Variants in ATG2B observed in about 807,000 individuals in gnomAD.
ATG2B encodes autophagy related 2B.
In ATG2B, 121 loss-of-function variants were observed where a neutral mutation model predicts 241.3. That is an observed-to-expected ratio of 0.50 (90% CI 0.43 to 0.58). The LOEUF (loss-of-function observed/expected upper bound fraction) is 0.58. Among genes scored for constraint, ATG2B ranks in the 20% least tolerant of loss-of-function variants. ATG2B has a pLI of 0.00. For missense variants in ATG2B, 2,306 were observed against 2,491.6 expected (o/e 0.93, Z 1.59); for synonymous variants, 858 against 876.6 (o/e 0.98, Z 0.37).
intron 41 of ATG2B, among the ~76,000 whole-genome samples, chr14:96,286,872 A>G (rs1465456213): frequency 6.6e-6 from 1 of 152,188 alleles, no homozygotes; most frequent in African/African-American, 2.4e-5. Flanking sequence ...GAACTAACCC[A>G]GAATCTAGCC....
chr14:96,308,038 A>G (rs910677468), intron 29 of ATG2B, among the ~76,000 whole-genome samples: 8 of 148,240 alleles, frequency 5.4e-5, no homozygotes, highest in Non-Finnish European at 9.0e-5. Flanking sequence ...AGAATTACTC[A>G]TCCTTACAGG....
chr14:96,322,486 C>T (rs1887485123), intron 17 of ATG2B, 54 bp downstream of exon 17: 2 of 1,529,590 alleles, frequency 1.3e-6, no homozygotes, highest in East Asian at 2.3e-5. Flanking sequence ...AAAAGCATTG[C>T]TCTATGACAG....
At position 96,302,067 on chromosome 14, in the gene ATG2B, C is replaced by T. The variant is rs1886806888; in HGVS notation, c.5079G>A (p.Arg1693=). The change falls in exon 34 of 42, where the codon AGG becomes AGA. Residue 1693 remains arginine (R), a synonymous_variant. Coordinates refer to ENST00000359933, the MANE Select transcript of ATG2B (RefSeq NM_018036.7). ...KALHVCPESG[R]SPQECCLRVS... is the part of the protein sequence containing the mutation. ...CTCTCAAGCAGCACTCCTGTGGGGA[C>T]CTGCCAGATTCTGGACACACGTGTA... 1.5e-5 allele frequency: 25 copies of T among 1,614,066 alleles called. No individual in the cohort carries two copies. The highest frequency in any genetic ancestry group is 2.1e-5 in the Non-Finnish European group (25 of 1,179,962).
chr14:96,298,063 A>G (rs567178889), intron 34 of ATG2B, among the ~76,000 whole-genome samples: 140 of 152,204 alleles, frequency 9.2e-4, no homozygotes, highest in Middle Eastern at 3.4e-3. Flanking sequence ...CCAAAGTGGT[A>G]GGATTACAGG....
In ATG2B at chr14:96,285,678, C is replaced by T. The variant is rs547515428; in HGVS notation, c.*77G>A. The T allele has an allele frequency of 9.6e-6, 13 of 1,351,322 alleles. No homozygotes were observed. The highest frequency in any genetic ancestry group is 1.4e-5 in the African/African-American group (1 of 69,122). The allele number at this position is 1,351,322 out of a possible 1,614,324, so 83.7% of individuals were successfully genotyped here. A position where few individuals can be genotyped will look rare whatever the true frequency, so the allele number is the denominator to read the frequency against. On this transcript the variant is annotated 3_prime_UTR_variant, in exon 42 of 42. Transcript: ENST00000359933. This position sits in a 1 kb window ranked among gnomAD's most constrained non-coding sequence, Gnocchi z 4.2. ...GATGAGCACAATAAAATTAAACGAGCTTCCTCTGAAGCTGCTGTCAGGACT... is the reference window on the plus strand; with the variant it reads ...GATGAGCACAATAAAATTAAACGAGTTTCCTCTGAAGCTGCTGTCAGGACT...
rs1410474075 is a variant in ATG2B at position 96,328,358 on chromosome 14, G to A, written c.2152C>T (p.His718Tyr). ...TTTTGAATACTTACCAGACTAATAT[G>A]TTTATTATATGAAGTATACATGTGG... ...ASHMYTSYNK[H>Y]ISLHKAFTEV... is the part of the protein sequence containing the mutation. The change falls in exon 14 of 42, where the codon CAT becomes TAT. Residue 718 changes from histidine to tyrosine, a missense_variant. Physicochemically the swap from His to Tyr is moderately conservative, Grantham distance 83 (BLOSUM62 2). Around this residue, in one of 2 missense-constraint regions of ATG2B, gnomAD observed 1,927 missense variants for 2,011.2 expected, o/e 0.96. Transcript: ENST00000359933. 6.2e-7 allele frequency: 1 copy of A among 1,605,968 alleles called. No individual in the cohort carries two copies. Among genetic ancestry groups the A allele is most frequent in the Non-Finnish European group, 8.5e-7 (1 of 1,176,310 alleles).
Position 96,291,696 on chromosome 14 carries a change from A to G in ATG2B, c.5497-14T>C. ...AGCTAGCGTACCCTTCAAAATTAAAAAAGGCCAAATTAACCTTACTGTAAA... is the reference window on the plus strand; with the variant it reads ...AGCTAGCGTACCCTTCAAAATTAAAGAAGGCCAAATTAACCTTACTGTAAA... On this transcript the variant is annotated splice_polypyrimidine_tract_variant and intron_variant, in intron 37 of 41. Coordinates refer to ENST00000359933, the MANE Select transcript of ATG2B (RefSeq NM_018036.7). 1 of 1,590,352 alleles carries G rather than the reference A, an allele frequency of 6.3e-7. No individual in the cohort carries two copies. Among genetic ancestry groups the G allele is most frequent in the South Asian group, 1.1e-5 (1 of 88,374 alleles).
rs570405614 is a variant in ATG2B at position 96,325,729 on chromosome 14, T to C, written c.2357A>G (p.Asp786Gly). ...TATAAATTCAGTCTTAAATTCTAGA[T>C]CTGTGAAGGCTAAATAAAGGATCTC... is the stretch of plus-strand genomic sequence containing the variant. ...QKEILYLAFT[D>G]LEFKTEFIGG... Residue 786 changes from aspartate (D) to glycine (G), a missense_variant, in exon 15 of 42, where the codon GAT becomes GGT. Asp to Gly is a moderately conservative substitution (Grantham distance 94, BLOSUM62 -1). Coordinates refer to ENST00000359933, the MANE Select transcript of ATG2B (RefSeq NM_018036.7). 6.2e-7 allele frequency: 1 copy of C among 1,613,896 alleles called. No individual in the cohort carries two copies. The highest frequency in any genetic ancestry group is 1.7e-5 in the Admixed American group (1 of 59,980).
At position 96,328,360 on chromosome 14, in the gene ATG2B, TTATTATATG is replaced by T. The variant is rs1887638391; in HGVS notation, c.2141_2149del (p.Ser714_Lys717delinsTer). ...TTGAATACTTACCAGACTAATATGTTTATTATATGAAGTATACATGTGGGATGCCATCAT... is the reference window on the plus strand; with the variant it reads ...TTGAATACTTACCAGACTAATATGTTAAGTATACATGTGGGATGCCATCAT... On this transcript the variant is annotated stop_gained and inframe_deletion, in exon 14 of 42. Coordinates refer to ENST00000359933, the MANE Select transcript of ATG2B (RefSeq NM_018036.7). LOFTEE classifies it high-confidence loss of function. 6.2e-7 allele frequency: 1 copy of T among 1,606,018 alleles called. No homozygotes were observed. Among genetic ancestry groups the T allele is most frequent in the African/African-American group, 1.3e-5 (1 of 74,532 alleles).
chr14:96,349,361 C>T (rs907596102), intron 1 of ATG2B, among the ~76,000 whole-genome samples: 17 of 152,168 alleles, frequency 1.1e-4, no homozygotes, highest in South Asian at 2.1e-4. Context: ...CATGTTAAAG[C>T]GTCTGAAATT....
chr14:96,311,432 T>C (rs1303626520), intron 27 of ATG2B, 110 bp downstream of exon 27: 3 of 1,167,440 alleles, frequency 2.6e-6, no homozygotes, highest in Non-Finnish European at 3.6e-6. Flanking sequence ...ATTTTTAATA[T>C]ACTTACTCTA....
chr14:96,309,245 G>A (rs1451538610), intron 29 of ATG2B, among the ~76,000 whole-genome samples: 1 of 152,192 alleles, frequency 6.6e-6, no homozygotes, highest in Admixed American at 6.5e-5. Context: ...CATAAGCACT[G>A]TCTTCTACTC....
intron 6 of ATG2B, among the ~76,000 whole-genome samples, chr14:96,339,009 C>T (rs185579658): frequency 6.6e-6 from 1 of 151,930 alleles, no homozygotes; most frequent in East Asian, 1.9e-4. Context: ...ATTTAAACAG[C>T]CAACAACCAT....
At chr14:96,322,025 C>CAAGGA in intron 18 of ATG2B, 87 bp downstream of exon 18, 1 of 973,184 alleles carries the variant, frequency 1.0e-6, no homozygotes, top group South Asian at 1.9e-5. Context: ...AATATTCAGG[C>CAAGGA]AAGGAAAGGA....
At chr14:96,316,404 A>G in intron 21 of ATG2B, 129 bp downstream of exon 21, 1 of 889,888 alleles carries the variant, frequency 1.1e-6, no homozygotes. Context: ...TTACTTTGAC[A>G]GCAGAATGAG....
At chr14:96,339,341 C>T (rs753803644) in intron 6 of ATG2B, among the ~76,000 whole-genome samples, 2 of 151,334 alleles carry the variant, frequency 1.3e-5, no homozygotes, top group South Asian at 2.1e-4. Context: ...CACATATATA[C>T]ACAAACATAT....
chr14:96,355,105 T>C (rs1888439554), intron 1 of ATG2B, among the ~76,000 whole-genome samples: 1 of 152,232 alleles, frequency 6.6e-6, no homozygotes, highest in South Asian at 2.1e-4. Context: ...TTCATTCTGA[T>C]GACAGTTTCT....
Position 96,328,443 on chromosome 14 carries a change from C to T in ATG2B, c.2067G>A (p.Val689=). The T allele has an allele frequency of 6.2e-7, 1 of 1,613,314 alleles. No individual in the cohort carries two copies. The highest frequency in any genetic ancestry group is 8.5e-7 in the Non-Finnish European group (1 of 1,179,796). The change falls in exon 14 of 42, where the codon GTG becomes GTA. Residue 689 remains valine (V), a synonymous_variant. Transcript: ENST00000359933. ...PVCCELDISI[V]DRLNSLLQPQ... ...GTTGAAGCAAGGAATTTAACCTGTC[C>T]ACAATACTGATATCCAGCTCACAAC...
intron 17 of ATG2B, 125 bp from the exon 18 acceptor site, chr14:96,322,379 G>A (rs1312996218): frequency 7.5e-7 from 1 of 1,331,402 alleles, no homozygotes; most frequent in African/African-American, 1.5e-5. Context: ...TTTAACTAGA[G>A]AAAATATACA....
Sources: gnomAD v4.1 joint callset for allele counts (sites outside exome capture counted in the v4.1 genomes callset) on GRCh38, gnomAD v4.1.1 for gene constraint, gnomAD v4.1.1 regional missense constraint, Gnocchi (gnomAD v3.1) non-coding constraint, MANE v1.5 for transcripts, NCBI Gene and HGNC (gene_info 2026-07-23, HGNC 2026-07-21) for gene names.